RUFY2: variants seen among roughly 807,000 people sequenced by gnomAD.
RUFY2 encodes RUN and FYVE domain containing 2.
Under a neutral mutation model 94.4 loss-of-function variants are expected in RUFY2, and 49 were observed. The ratio of observed to expected loss-of-function variants is 0.52; its 90% CI spans 0.41 to 0.66. The LOEUF (loss-of-function observed/expected upper bound fraction) is 0.66, where lower values mean the gene tolerates loss of function less well. RUFY2 is among the 30% of genes least tolerant of loss of function. RUFY2 has a pLI of 0.00. For missense variants in RUFY2, 541 were observed against 692.8 expected (o/e 0.78, Z 2.46); for synonymous variants, 255 against 235.7 (o/e 1.08, Z -0.75).
chr10:68,386,140 A>C lies in RUFY2; in HGVS notation c.651-12T>G. 6.3e-7 allele frequency: 1 copy of C among 1,599,244 alleles called. No individual in the cohort carries two copies. The highest frequency in any genetic ancestry group is 1.7e-4 in the Middle Eastern group (1 of 6,012). On this transcript the variant is annotated splice_polypyrimidine_tract_variant and intron_variant, in intron 7 of 17. Coordinates refer to ENST00000602465, the MANE Select transcript of RUFY2 (RefSeq NM_001330103.2). ...TGCTGACTGTGCTGCTGAAATTAAG[A>C]AACAAAAAAACTCATTCAAAATCAC... is the stretch of plus-strand genomic sequence containing the variant.
rs1392204359 is a variant in RUFY2, at chr10:68,383,797, C to A, written c.939+1G>T. 4 of 1,589,382 alleles carry A rather than the reference C, an allele frequency of 2.5e-6. No homozygotes were observed. The African/African-American group carries it at 4.0e-5, about 16-fold the overall frequency. On this transcript the variant is annotated splice_donor_variant, in intron 10 of 17. Coordinates refer to ENST00000602465, the MANE Select transcript of RUFY2 (RefSeq NM_001330103.2). LOFTEE classifies it high-confidence loss of function. ...CTAATGTAATTTTTAATATAACCTA[C>A]CTGTCGTAACTGAGATTCATCTCGA...
chr10:68,385,864 A>G (rs545131079), intron 8 of RUFY2, among the ~76,000 whole-genome samples, 195 bp downstream of exon 8: 1 of 152,298 alleles, frequency 6.6e-6, no homozygotes, highest in Admixed American at 6.5e-5. Context: ...TCAGATTCAT[A>G]TAACTGAGGA....
At chr10:68,373,174 GT>G (rs2048393950) in intron 13 of RUFY2, among the ~76,000 whole-genome samples, 1 of 152,120 alleles carries the variant, frequency 6.6e-6, no homozygotes, top group Non-Finnish European at 1.5e-5. Flanking sequence ...GTGGTAAAAT[GT>G]TAATGCCAAC....
chr10:68,348,342 CA>C (rs143688595), intron 16 of RUFY2, among the ~76,000 whole-genome samples: 1 of 148,294 alleles, frequency 6.7e-6, no homozygotes, highest in African/African-American at 2.5e-5. Context: ...CCCATCTCTA[CA>C]AAAAAAAATA....
intron 11 of RUFY2, among the ~76,000 whole-genome samples, chr10:68,380,022 A>G (rs1473390291): frequency 6.6e-6 from 1 of 151,706 alleles, no homozygotes; most frequent in Admixed American, 6.6e-5. Context: ...GTTAGTCAGG[A>G]TGGTCTCGAT....
intron 13 of RUFY2, among the ~76,000 whole-genome samples, chr10:68,375,228 A>C (rs1197608916): frequency 6.6e-6 from 1 of 151,218 alleles, no homozygotes; most frequent in African/African-American, 2.4e-5. Flanking sequence ...CTCCATTTCC[A>C]CAATTTAAAA....
chr10:68,406,610 C>T (rs2051331254), intron 1 of RUFY2: 10 of 795,678 alleles, frequency 1.3e-5, no homozygotes, highest in East Asian at 3.2e-5. Flanking sequence ...CAAACCCGGC[C>T]GCAGGCGCGC....
chr10:68,343,513 C>T lies in RUFY2; in HGVS notation c.*2255G>A, dbSNP rs1273284743. ...TGAAACCAAAATTGCCCTTTTAAAG[C>T]AGGCTAATTTTCCAAATATTTATTT... is the stretch of plus-strand genomic sequence containing the variant. On this transcript the variant is annotated 3_prime_UTR_variant, in exon 18 of 18. Coordinates refer to ENST00000602465, the MANE Select transcript of RUFY2 (RefSeq NM_001330103.2). The T allele has an allele frequency of 6.6e-6, 1 of 152,482 alleles. No individual in the cohort carries two copies. Among genetic ancestry groups the T allele is most frequent in the Non-Finnish European group, 1.5e-5 (1 of 67,992 alleles). The allele number at this position is 152,482 out of a possible 1,614,324, so 9.4% of individuals were successfully genotyped here.
chr10:68,386,140 A>G lies in RUFY2; in HGVS notation c.651-12T>C. The G allele has an allele frequency of 6.3e-7, 1 of 1,599,244 alleles. No individual in the cohort carries two copies. Among genetic ancestry groups the G allele is most frequent in the Non-Finnish European group, 8.5e-7 (1 of 1,174,428 alleles). ...TGCTGACTGTGCTGCTGAAATTAAG[A>G]AACAAAAAAACTCATTCAAAATCAC... On this transcript the variant is annotated splice_polypyrimidine_tract_variant and intron_variant, in intron 7 of 17. Transcript: ENST00000602465.
chr10:68,370,063 C>T (rs935109438), intron 13 of RUFY2, among the ~76,000 whole-genome samples: 1 of 152,110 alleles, frequency 6.6e-6, no homozygotes, highest in African/African-American at 2.4e-5. Flanking sequence ...GCAGGTGGGT[C>T]ACATGAGGTC....
intron 12 of RUFY2, chr10:68,377,509 GCT>G (rs928142035): frequency 2.0e-6 from 2 of 976,340 alleles, no homozygotes; most frequent in Admixed American, 6.8e-5. Context: ...TTATGCCGAA[GCT>G]CTGTGTGTGT....
intron 13 of RUFY2, among the ~76,000 whole-genome samples, chr10:68,366,108 C>T (rs2047791348): frequency 6.6e-6 from 1 of 152,086 alleles, no homozygotes; most frequent in Non-Finnish European, 1.5e-5. Context: ...GGGCAGATCT[C>T]TTGAGGCCAA....
At chr10:68,355,980 T>C (rs1048170183) in intron 15 of RUFY2, among the ~76,000 whole-genome samples, 1 of 152,032 alleles carries the variant, frequency 6.6e-6, no homozygotes, top group African/African-American at 2.4e-5. Context: ...TATTTATAGC[T>C]ATCATTTATT....
rs114987749 is a variant in RUFY2, at chr10:68,362,666, T to C, written c.1550+924A>G. 2.7e-3 allele frequency among the ~76,000 whole-genome samples: 408 copies of C among 152,104 alleles called. 3 individuals carry two copies. Among genetic ancestry groups the C allele is most frequent in the African/African-American group, 9.4e-3 (391 of 41,498 alleles). Reference sequence around the variant, plus strand: ...TTAGTAGGGCATGATGGTGCCTGCCTGTAGTCTCAGCTACTTGGTAAGCTG... The same window carrying C: ...TTAGTAGGGCATGATGGTGCCTGCCCGTAGTCTCAGCTACTTGGTAAGCTG... On this transcript the variant is annotated intron_variant, in intron 15 of 17. Coordinates refer to ENST00000602465, the MANE Select transcript of RUFY2 (RefSeq NM_001330103.2).
chr10:68,344,195 A>G lies in RUFY2; in HGVS notation c.*1573T>C, dbSNP rs1176323903. 1.3e-5 allele frequency: 2 copies of G among 152,234 alleles called. No individual in the cohort carries two copies. The highest frequency in any genetic ancestry group is 2.9e-5 in the Non-Finnish European group (2 of 68,044). 9.4% of individuals were successfully genotyped at this position (152,234 alleles called of 1,614,324 possible). On this transcript the variant is annotated 3_prime_UTR_variant, in exon 18 of 18. Coordinates refer to ENST00000602465, the MANE Select transcript of RUFY2 (RefSeq NM_001330103.2). Reference sequence around the variant, plus strand: ...GGGTTTTGGAAAAAATAGATCTTCAAGTAAAATATTCATTTCATACTTAGG... The same window carrying G: ...GGGTTTTGGAAAAAATAGATCTTCAGGTAAAATATTCATTTCATACTTAGG...
At chr10:68,370,454 T>TTTC (rs2048186596) in intron 13 of RUFY2, among the ~76,000 whole-genome samples, 1 of 145,886 alleles carries the variant, frequency 6.9e-6, no homozygotes. Flanking sequence ...TTTTCTTTTT[T>TTTC]TTTTTTTTTT....
intron 1 of RUFY2, chr10:68,406,776 T>TC: frequency 6.2e-7 from 1 of 1,611,560 alleles, no homozygotes; most frequent in Non-Finnish European, 8.5e-7. Context: ...GCGTCAGCAT[T>TC]CCCCGTCTCC....
intron 7 of RUFY2, among the ~76,000 whole-genome samples, chr10:68,389,092 G>A (rs564015505): frequency 1.3e-5 from 2 of 151,956 alleles, no homozygotes; most frequent in East Asian, 3.9e-4. Flanking sequence ...ATAGAGACAA[G>A]GTCTCACCAT....
At chr10:68,377,377 A>G in intron 12 of RUFY2, 1 of 1,045,220 alleles carries the variant, frequency 9.6e-7, no homozygotes. Flanking sequence ...CCACACTGTT[A>G]TATGTTATGC....
Sources: gnomAD v4.1 joint callset for allele counts (sites outside exome capture counted in the v4.1 genomes callset) on GRCh38, gnomAD v4.1.1 for gene constraint, MANE v1.5 for transcripts, NCBI Gene and HGNC (gene_info 2026-07-23, HGNC 2026-07-21) for gene names.